Variants in CACNA1A observed in about 807,000 individuals in gnomAD.
CACNA1A encodes the protein voltage-dependent P/Q-type calcium channel subunit alpha-1A.
Under a neutral mutation model 262.4 loss-of-function variants are expected in CACNA1A, and 57 were observed. The ratio of observed to expected loss-of-function variants is 0.22; its 90% CI spans 0.18 to 0.27. The LOEUF is 0.27. CACNA1A is among the 10% of genes least tolerant of loss of function. CACNA1A has a pLI of 1.00. For synonymous variants in CACNA1A, 1,431 were observed against 1,419.3 expected (o/e 1.01, Z -0.18); for missense variants, 2,526 against 3,562.8 (o/e 0.71, Z 7.41).
intron 17 of CACNA1A, among the ~76,000 whole-genome samples, chr19:13,302,078 C>G (rs759559530): frequency 1.3e-5 from 2 of 152,182 alleles, no homozygotes; most frequent in Non-Finnish European, 2.9e-5. Flanking sequence ...GCAACTGGTA[C>G]ACAGCAGTTA....
chr19:13,386,824 C>T (rs1048589157), intron 3 of CACNA1A, among the ~76,000 whole-genome samples: 1 of 151,968 alleles, frequency 6.6e-6, no homozygotes, highest in Non-Finnish European at 1.5e-5. Context: ...ACGCAGTCGT[C>T]TTGGGGCTGT....
In CACNA1A at chr19:13,262,743, T is replaced by C. The variant is rs1211718294; in HGVS notation, c.4080A>G (p.Pro1360=). The C allele has an allele frequency of 6.2e-7, 1 of 1,610,174 alleles. No homozygotes were observed. Among genetic ancestry groups the C allele is most frequent in the Non-Finnish European group, 8.5e-7 (1 of 1,176,828 alleles). Reference sequence around the variant, plus strand: ...CATCTCCCAATCTCACCTTGAGCTTTGGCAGCCGCTTGATGGTTTTAAGAG... The same window carrying C: ...CATCTCCCAATCTCACCTTGAGCTTCGGCAGCCGCTTGATGGTTTTAAGAG... ...LRPLKTIKRL[P]KLKAVFDCVV... The change falls in exon 25 of 47, where the codon CCA becomes CCG. Residue 1360 remains proline, a synonymous_variant. Coordinates refer to ENST00000360228, the MANE Select transcript of CACNA1A (RefSeq NM_001127222.2).
chr19:13,415,743 TAAAAAAAAAAAAAA>T (rs71170510), intron 3 of CACNA1A, among the ~76,000 whole-genome samples: 16 of 42,512 alleles, frequency 3.8e-4, no homozygotes, highest in South Asian at 1.5e-3. Context: ...CTGTCTCAAT[TAAAAAAAAAAAAAA>T]AAAAAAAAAA....
At chr19:13,426,056 T>TCAAAA (rs200501550) in intron 3 of CACNA1A, among the ~76,000 whole-genome samples, 6,285 of 151,718 alleles carry the variant, frequency 0.041, 195 homozygotes, top group Non-Finnish European at 0.067. Context: ...AGACTCTGTC[T>TCAAAA]CAAAACAAAA....
At chr19:13,302,570 G>A (rs2057808576) in intron 17 of CACNA1A, among the ~76,000 whole-genome samples, 1 of 152,224 alleles carries the variant, frequency 6.6e-6, no homozygotes, top group Non-Finnish European at 1.5e-5. Flanking sequence ...GATCTGGAGA[G>A]GAATGTCCAC....
At chr19:13,220,135 C>A (rs753164748) in intron 38 of CACNA1A, among the ~76,000 whole-genome samples, 13 of 151,856 alleles carry the variant, frequency 8.6e-5, no homozygotes, top group Non-Finnish European at 1.9e-4. Context: ...GTGGTGGGCA[C>A]CTGTAATCTC....
chr19:13,483,095 A>G (rs1353038150), intron 1 of CACNA1A, among the ~76,000 whole-genome samples: 2 of 152,126 alleles, frequency 1.3e-5, no homozygotes, highest in Admixed American at 6.6e-5. Flanking sequence ...CAGTCCACAG[A>G]ATGCAGGCAG....
intron 36 of CACNA1A, chr19:13,229,089 T>G: frequency 4.9e-6 from 1 of 204,726 alleles, no homozygotes; most frequent in Non-Finnish European, 9.8e-6. Context: ...AATAGAGGCC[T>G]TGGGGACAGC....
intron 3 of CACNA1A, among the ~76,000 whole-genome samples, chr19:13,398,911 G>C (rs562803434): frequency 4.2e-4 from 64 of 152,348 alleles, no homozygotes; most frequent in Non-Finnish European, 8.2e-4. Flanking sequence ...CAAATTTCAG[G>C]CCCCGAGGGG....
chr19:13,386,412 G>A (rs2059614577), intron 3 of CACNA1A, among the ~76,000 whole-genome samples: 1 of 152,174 alleles, frequency 6.6e-6, no homozygotes, highest in South Asian at 2.1e-4. Context: ...CACATGGTAA[G>A]AGACAGCCCT....
At chr19:13,414,969 A>G (rs1457673119) in intron 3 of CACNA1A, among the ~76,000 whole-genome samples, 2 of 152,038 alleles carry the variant, frequency 1.3e-5, no homozygotes, top group African/African-American at 4.8e-5. Context: ...TCTCAAAACA[A>G]AAGCAAAACA....
At chr19:13,275,643 A>G (rs1568484805) in intron 24 of CACNA1A, 2 of 586,140 alleles carry the variant, frequency 3.4e-6, no homozygotes, top group African/African-American at 3.7e-5. Context: ...GGTTGGCAGG[A>G]GGGGGGGTCC....
At position 13,245,166 on chromosome 19, in the gene CACNA1A, C is replaced by G; in HGVS notation, c.4950+16G>C. On this transcript the variant is annotated intron_variant, in intron 31 of 46. Coordinates refer to ENST00000360228, the MANE Select transcript of CACNA1A (RefSeq NM_001127222.2). The stretch of plus-strand genomic sequence containing the variant: ...CAGCCCAGAGTCACCCAGAGAGAAG[C>G]TGGAGGGAGACTTACCCCAAACTCA... The G allele has an allele frequency of 6.2e-7, 1 of 1,607,318 alleles. No homozygotes were observed.
chr19:13,275,733 C>T, intron 24 of CACNA1A, 117 bp downstream of exon 24: 1 of 732,136 alleles, frequency 1.4e-6, no homozygotes, highest in Non-Finnish European at 2.4e-6. Flanking sequence ...CTCCCACGTC[C>T]CCGGAGCCCA....
intron 1 of CACNA1A, among the ~76,000 whole-genome samples, chr19:13,496,819 G>A (rs981379634): frequency 6.6e-6 from 1 of 152,148 alleles, no homozygotes; most frequent in African/African-American, 2.4e-5. Context: ...ACTCTTCCAT[G>A]TATAAACACA....
chr19:13,311,660 A>T (rs1301916326), intron 12 of CACNA1A, among the ~76,000 whole-genome samples: 1 of 151,434 alleles, frequency 6.6e-6, no homozygotes, highest in Non-Finnish European at 1.5e-5. Flanking sequence ...ACACGGTGAA[A>T]CCCCATCTCT....
At chr19:13,239,051 G>A (rs1192475211) in intron 31 of CACNA1A, among the ~76,000 whole-genome samples, 1 of 152,090 alleles carries the variant, frequency 6.6e-6, no homozygotes, top group Non-Finnish European at 1.5e-5. Flanking sequence ...CCAGCCTCCT[G>A]TCAAGCTGTT....
chr19:13,245,860 C>T (rs1322840988), intron 30 of CACNA1A, among the ~76,000 whole-genome samples: 3 of 151,934 alleles, frequency 2.0e-5, no homozygotes, highest in East Asian at 1.9e-4. Context: ...TTAGTAGAGA[C>T]GGGGTTTCAC....
In CACNA1A at chr19:13,241,429, G is replaced by C. The variant is rs958714536; in HGVS notation, c.4950+3753C>G. ...GGAGAGCGTCAGGCATCCCACGTTG[G>C]AGAGGCAGGGTGTGGCATGCAATGC... On this transcript the variant is annotated intron_variant, in intron 31 of 46. Coordinates refer to ENST00000360228, the MANE Select transcript of CACNA1A (RefSeq NM_001127222.2). This position sits in a 1 kb window ranked among gnomAD's most constrained non-coding sequence, Gnocchi z 4.0. 1 of 845,622 alleles carries C rather than the reference G, an allele frequency of 1.2e-6. No individual in the cohort carries two copies. The highest frequency in any genetic ancestry group is 1.7e-5 in the African/African-American group (1 of 59,956). 52.4% of individuals were successfully genotyped at this position (845,622 alleles called of 1,614,324 possible).
Sources: gnomAD v4.1 joint callset for allele counts (sites outside exome capture counted in the v4.1 genomes callset) on GRCh38, gnomAD v4.1.1 for gene constraint, Gnocchi (gnomAD v3.1) non-coding constraint, MANE v1.5 for transcripts, NCBI Gene and HGNC (gene_info 2026-07-23, HGNC 2026-07-21) for gene names.